Variants in AKAP19 observed in about 807,000 individuals in gnomAD.
AKAP19 encodes A-kinase anchoring protein 19.
At chr2:189,969,642 T>C in the AKAP19 span, among the ~76,000 whole-genome samples, 3 of 149,756 alleles carry the variant, frequency 2.0e-5, no homozygotes, top group Admixed American at 1.3e-4. Context: ...AGGGAGAAAG[T>C]TGCTTGAACC....
the AKAP19 span, among the ~76,000 whole-genome samples, chr2:190,134,395 G>C: frequency 2.9e-3 from 447 of 152,062 alleles, 4 homozygotes; most frequent in African/African-American, 0.01. Context: ...AGAACTGGTT[G>C]GTTTCAGTTT....
chr2:190,016,421 A>G, the AKAP19 span, among the ~76,000 whole-genome samples: 1 of 152,196 alleles, frequency 6.6e-6, no homozygotes, highest in East Asian at 1.9e-4. Flanking sequence ...CACTATCAAA[A>G]GAACAGCATG....
the AKAP19 span, among the ~76,000 whole-genome samples, chr2:189,926,280 C>CT: frequency 1.3e-5 from 2 of 152,086 alleles, no homozygotes; most frequent in African/African-American, 4.8e-5. Context: ...GATTTTTACA[C>CT]TTTTTTTGTT....
chr2:189,989,594 A>G, the AKAP19 span, among the ~76,000 whole-genome samples: 3 of 152,154 alleles, frequency 2.0e-5, no homozygotes, highest in African/African-American at 7.2e-5. Context: ...AAGGGTCACA[A>G]CATAAAATGT....
the AKAP19 span, among the ~76,000 whole-genome samples, chr2:190,100,181 C>T: frequency 2.8e-4 from 43 of 152,092 alleles, no homozygotes; most frequent in African/African-American, 1.0e-3. Context: ...GCCCATCAGC[C>T]CAGTTAAGCA....
the AKAP19 span, among the ~76,000 whole-genome samples, chr2:189,914,881 T>C: frequency 6.6e-6 from 1 of 152,106 alleles, no homozygotes; most frequent in Admixed American, 6.5e-5. Context: ...TAGTAGAGCC[T>C]GGATTTAAAC....
At chr2:189,908,809 T>A in the AKAP19 span, among the ~76,000 whole-genome samples, 7 of 152,212 alleles carry the variant, frequency 4.6e-5, no homozygotes, top group Non-Finnish European at 8.8e-5. Context: ...CCATGTGTAC[T>A]TTGGAAGAAT....
the AKAP19 span, among the ~76,000 whole-genome samples, chr2:190,024,112 A>T: frequency 6.6e-6 from 1 of 151,884 alleles, no homozygotes; most frequent in African/African-American, 2.4e-5. Flanking sequence ...CATGTGGAGA[A>T]GTAATGAGAT....
the AKAP19 span, among the ~76,000 whole-genome samples, chr2:189,982,297 A>G: frequency 6.6e-6 from 1 of 152,052 alleles, no homozygotes; most frequent in Non-Finnish European, 1.5e-5. Flanking sequence ...TCTATTGTTA[A>G]AGTTTTCAAC....
chr2:190,183,452 T>G, the AKAP19 span, among the ~76,000 whole-genome samples: 1 of 152,090 alleles, frequency 6.6e-6, no homozygotes, highest in Non-Finnish European at 1.5e-5. Flanking sequence ...GTAAATAACA[T>G]TAGTTTAAAA....
At chr2:189,973,109 G>C in the AKAP19 span, among the ~76,000 whole-genome samples, 30,921 of 152,066 alleles carry the variant, frequency 0.2, 3,378 homozygotes, top group African/African-American at 0.29. Context: ...GTATGATATT[G>C]GCTGTGGGTT....
chr2:190,088,357 G>C, the AKAP19 span, among the ~76,000 whole-genome samples: 1 of 152,122 alleles, frequency 6.6e-6, no homozygotes. Flanking sequence ...TAGAGGGTAA[G>C]AATCAGAGTC....
At chr2:190,025,657 C>A in the AKAP19 span, among the ~76,000 whole-genome samples, 1 of 152,162 alleles carries the variant, frequency 6.6e-6, no homozygotes, top group Non-Finnish European at 1.5e-5. Flanking sequence ...AAAGTCCTGG[C>A]CATTTCTGCG....
the AKAP19 span, chr2:189,923,775 G>A: frequency 6.2e-7 from 1 of 1,613,218 alleles, no homozygotes; most frequent in South Asian, 1.1e-5. Flanking sequence ...AAACGTCAGC[G>A]TGTATCAGGA....
chr2:189,959,448 A>T, the AKAP19 span, among the ~76,000 whole-genome samples: 1 of 151,868 alleles, frequency 6.6e-6, no homozygotes, highest in Non-Finnish European at 1.5e-5. Flanking sequence ...ATGTACACTG[A>T]TTTTTTTTCA....
chr2:190,160,850 T>A, the AKAP19 span, among the ~76,000 whole-genome samples: 1 of 152,206 alleles, frequency 6.6e-6, no homozygotes, highest in South Asian at 2.1e-4. Context: ...TAACTTTTAA[T>A]TCATAATATA....
chr2:190,085,027 C>A, the AKAP19 span, among the ~76,000 whole-genome samples: 27 of 152,170 alleles, frequency 1.8e-4, no homozygotes, highest in African/African-American at 6.5e-4. Flanking sequence ...CCCAAACCAC[C>A]CTTCTCTTTA....
chr2:189,932,562 T>G, the AKAP19 span, among the ~76,000 whole-genome samples: 1 of 151,454 alleles, frequency 6.6e-6, no homozygotes, highest in East Asian at 2.0e-4. Context: ...TTACTACTAT[T>G]GGTAGGAACT....
the AKAP19 span, among the ~76,000 whole-genome samples, chr2:190,004,732 A>C: frequency 6.6e-6 from 1 of 152,074 alleles, no homozygotes; most frequent in African/African-American, 2.4e-5. Flanking sequence ...ACTAGCAGAC[A>C]CATCATAGGA....
Sources: allele counts gnomAD v4.1 joint callset (sites outside exome capture counted in the v4.1 genomes callset), GRCh38; gene constraint gnomAD v4.1.1; transcripts MANE v1.5; gene names NCBI Gene and HGNC (gene_info 2026-07-23, HGNC 2026-07-21).